RBFOX1: variants seen among roughly 807,000 people sequenced by gnomAD.
The protein encoded by RBFOX1 is RNA binding protein fox-1 homolog 1.
Under a neutral mutation model 57.7 loss-of-function variants are expected in RBFOX1, and 8 were observed. The observed-to-expected ratio is 0.14, with a 90% CI of 0.08 to 0.25. The LOEUF (loss-of-function observed/expected upper bound fraction) is 0.25. Among genes scored for constraint, RBFOX1 ranks in the 10% least tolerant of loss-of-function variants. The probability of loss-of-function intolerance (pLI) is 1.00; values close to 1 mark genes in which losing one functional copy is unlikely to be tolerated. For missense variants in RBFOX1, 611 were observed against 548.5 expected, an observed-to-expected ratio of 1.11 and a Z score of -1.14; for synonymous variants, 326 against 222.4, an observed-to-expected ratio of 1.47 and a Z score of -4.15.
At chr16:6,517,717 G>A (rs907768054) in intron 2 of RBFOX1, among the ~76,000 whole-genome samples, 1 of 152,128 alleles carries the variant, frequency 6.6e-6, no homozygotes, top group Non-Finnish European at 1.5e-5. Context: ...TGTCTTGCAC[G>A]ATGGTTTCAA....
At chr16:6,989,352 C>T (rs191657411) in intron 3 of RBFOX1, among the ~76,000 whole-genome samples, 5 of 152,230 alleles carry the variant, frequency 3.3e-5, no homozygotes, top group African/African-American at 9.6e-5. Context: ...ATCAGTCTGT[C>T]TTTTGAAGGA....
chr16:6,753,711 G>A (rs1324678971), intron 3 of RBFOX1, among the ~76,000 whole-genome samples: 1 of 142,732 alleles, frequency 7.0e-6, no homozygotes, highest in East Asian at 2.0e-4. Context: ...CCTGTCTTGT[G>A]TCTTGTGTCA....
intron 4 of RBFOX1, among the ~76,000 whole-genome samples, chr16:7,443,764 C>T (rs182638642): frequency 1.2e-3 from 184 of 152,214 alleles, no homozygotes; most frequent in Non-Finnish European, 2.1e-3. Context: ...GAGAGTTGCC[C>T]AGAAGAGATC....
intron 2 of RBFOX1, among the ~76,000 whole-genome samples, chr16:6,556,691 A>T (rs957400211): frequency 1.3e-5 from 2 of 152,226 alleles, no homozygotes; most frequent in African/African-American, 2.4e-5. Flanking sequence ...CACATGATAT[A>T]GAGAATTAAA....
chr16:5,504,326 G>A (rs1396135112), intron 2 of RBFOX1, among the ~76,000 whole-genome samples: 1 of 152,244 alleles, frequency 6.6e-6, no homozygotes, highest in African/African-American at 2.4e-5. Context: ...CCAGGAGCCT[G>A]CTGGGCCTCG....
At chr16:6,943,499 G>C (rs2078921291) in intron 3 of RBFOX1, among the ~76,000 whole-genome samples, 1 of 152,084 alleles carries the variant, frequency 6.6e-6, no homozygotes, top group South Asian at 2.1e-4. Flanking sequence ...ACAAGGTCAG[G>C]AGATTGAGAC....
intron 1 of RBFOX1, among the ~76,000 whole-genome samples, chr16:6,207,804 C>T (rs1461515546): frequency 6.6e-6 from 1 of 152,060 alleles, no homozygotes; most frequent in African/African-American, 2.4e-5. Flanking sequence ...CCTCCTACCT[C>T]AGCCTGTTGC....
chr16:6,522,468 T>C (rs999598145), intron 2 of RBFOX1, among the ~76,000 whole-genome samples: 2 of 152,150 alleles, frequency 1.3e-5, no homozygotes, highest in African/African-American at 4.8e-5. Context: ...AGACATCAAC[T>C]TCAGTCAATG....
At chr16:7,271,878 C>G (rs2095326351) in intron 4 of RBFOX1, among the ~76,000 whole-genome samples, 1 of 152,164 alleles carries the variant, frequency 6.6e-6, no homozygotes, top group African/African-American at 2.4e-5. Flanking sequence ...CAGCCCATCC[C>G]CTGTGCATAT....
intron 1 of RBFOX1, among the ~76,000 whole-genome samples, chr16:6,117,424 T>G (rs1223789400): frequency 1.3e-5 from 2 of 152,258 alleles, no homozygotes; most frequent in African/African-American, 4.8e-5. Flanking sequence ...CTTTCATGGT[T>G]TGAATGGTTC....
chr16:6,962,247 C>G (rs185914103), intron 3 of RBFOX1, among the ~76,000 whole-genome samples: 9 of 152,172 alleles, frequency 5.9e-5, no homozygotes, highest in African/African-American at 1.4e-4. Context: ...TGTGTCAGAC[C>G]TCCCTCTCCT....
chr16:7,401,033 C>T (rs1034208784), intron 4 of RBFOX1, among the ~76,000 whole-genome samples: 2 of 152,136 alleles, frequency 1.3e-5, no homozygotes, highest in Non-Finnish European at 2.9e-5. Flanking sequence ...ATATATTGCC[C>T]GATGCAGCTG....
intron 3 of RBFOX1, among the ~76,000 whole-genome samples, chr16:5,664,987 C>T (rs1267474916): frequency 6.6e-6 from 1 of 151,530 alleles, no homozygotes; most frequent in Non-Finnish European, 1.5e-5. Flanking sequence ...TTCTGCCATT[C>T]AGGCTGGAGT....
chr16:6,738,195 G>A (rs1053254062), intron 3 of RBFOX1, among the ~76,000 whole-genome samples: 1 of 152,012 alleles, frequency 6.6e-6, no homozygotes, highest in Non-Finnish European at 1.5e-5. Flanking sequence ...ACAATGGTTT[G>A]CATAACACTG....
chr16:5,948,263 C>T (rs1284931483), intron 4 of RBFOX1, among the ~76,000 whole-genome samples: 1 of 152,110 alleles, frequency 6.6e-6, no homozygotes, highest in East Asian at 1.9e-4. Flanking sequence ...GAAGGCTTTG[C>T]TGCTGCTGAT....
At chr16:5,737,593 A>G (rs1159418274) in intron 3 of RBFOX1, among the ~76,000 whole-genome samples, 8 of 150,436 alleles carry the variant, frequency 5.3e-5, no homozygotes, top group Non-Finnish European at 1.0e-4. Context: ...TATGTGGCTA[A>G]CTCTTTATCC....
At chr16:6,579,408 G>C (rs1285807976) in intron 2 of RBFOX1, among the ~76,000 whole-genome samples, 1 of 152,046 alleles carries the variant, frequency 6.6e-6, no homozygotes, top group African/African-American at 2.4e-5. Flanking sequence ...ATCTCATCTT[G>C]AATTGTAGTT....
chr16:7,069,189 A>G (rs1319019288), intron 4 of RBFOX1, among the ~76,000 whole-genome samples: 1 of 152,032 alleles, frequency 6.6e-6, no homozygotes, highest in Non-Finnish European at 1.5e-5. Flanking sequence ...TAATTTATTT[A>G]TTTTTTAATT....
At chr16:6,473,209 A>G (rs1037512827) in intron 2 of RBFOX1, among the ~76,000 whole-genome samples, 1 of 151,876 alleles carries the variant, frequency 6.6e-6, no homozygotes, top group Non-Finnish European at 1.5e-5. Context: ...CTACTTATCT[A>G]TTTTGTTTTC....
Sources: gnomAD v4.1 joint callset for allele counts (sites outside exome capture counted in the v4.1 genomes callset) on GRCh38, gnomAD v4.1.1 for gene constraint, MANE v1.5 for transcripts, NCBI Gene and HGNC (gene_info 2026-07-23, HGNC 2026-07-21) for gene names.